ZNF518A: variants seen among roughly 807,000 people sequenced by gnomAD.
ZNF518A encodes the protein zinc finger protein 518.
In ZNF518A, 47 loss-of-function variants were observed where a neutral mutation model predicts 102.7. The ratio of observed to expected loss-of-function variants is 0.46; its 90% confidence interval spans 0.36 to 0.58. The LOEUF is 0.58. ZNF518A is among the 20% of genes least tolerant of loss of function. ZNF518A has a pLI of 0.00. For missense variants in ZNF518A, 1,793 were observed against 1,699.8 expected (o/e 1.05, Z -0.96); for synonymous variants, 652 against 594.6 (o/e 1.10, Z -1.40).
At chr10:96,154,477 C>A (rs1251313491) in intron 3 of ZNF518A, among the ~76,000 whole-genome samples, 4 of 104,980 alleles carry the variant, frequency 3.8e-5, no homozygotes, top group Admixed American at 1.0e-4. Flanking sequence ...TTTTTCTTTT[C>A]TTTTCTCTTA....
intron 3 of ZNF518A, among the ~76,000 whole-genome samples, chr10:96,148,652 T>G (rs1047910178): frequency 2.0e-5 from 3 of 152,168 alleles, no homozygotes; most frequent in African/African-American, 7.2e-5. Context: ...TGACTCCCAC[T>G]GTGGGGAGCT....
At chr10:96,180,476 C>G (rs1023883056) in intron 1 of ZNF518A, among the ~76,000 whole-genome samples, 3 of 151,928 alleles carry the variant, frequency 2.0e-5, no homozygotes, top group Non-Finnish European at 4.4e-5. Context: ...GGTATTTCTC[C>G]TAATGCTATC....
intron 1 of ZNF518A, chr10:96,189,226 T>A (rs2083292630): frequency 2.7e-6 from 1 of 368,714 alleles, no homozygotes; most frequent in Non-Finnish European, 5.1e-6. Context: ...TTCTTGGCAA[T>A]GGAACCTGGA....
At position 96,200,930 on chromosome 10, in the gene ZNF518A, T is replaced by G; in HGVS notation, n.36-2644T>G. The stretch of plus-strand genomic sequence containing the variant: ...GTCTTCTTCTCAGAAGACATGCTCT[T>G]TCCTGCAGTTTCCTGGTAACAATTT... On this transcript the variant is annotated intron_variant and non_coding_transcript_variant, in intron 1 of 2. Transcript: ENST00000442635. This position sits in a 1 kb window ranked among gnomAD's most constrained non-coding sequence, Gnocchi z 4.3. The G allele has an allele frequency of 6.7e-7, 1 of 1,502,390 alleles. No homozygotes were observed. The highest frequency in any genetic ancestry group is 2.3e-5 in the East Asian group (1 of 44,266). 93.1% of individuals were successfully genotyped at this position (1,502,390 alleles called of 1,614,324 possible). A position where few individuals can be genotyped will look rare whatever the true frequency, so the allele number is the denominator to read the frequency against.
At position 96,163,015 on chromosome 10, in the gene ZNF518A, A is replaced by G. The variant is rs1231431800; in HGVS notation, c.*2241A>G. On this transcript the variant is annotated 3_prime_UTR_variant, in exon 6 of 6. Coordinates refer to ENST00000316045, the MANE Select transcript of ZNF518A (RefSeq NM_001330736.2). ...AATTAAAATGCTCTGTTTGTTACAT[A>G]TAGATCTGTTATGAGACATCACCTG... 6.6e-6 allele frequency: 1 copy of G among 152,130 alleles called. No homozygotes were observed. The highest frequency in any genetic ancestry group is 8.2e-5 in the Admixed American group (1 of 12,160). 9.4% of individuals were successfully genotyped at this position (152,130 alleles called of 1,614,324 possible).
chr10:96,194,399 A>G (rs879956220), intron 1 of ZNF518A, among the ~76,000 whole-genome samples: 3 of 152,230 alleles, frequency 2.0e-5, no homozygotes, highest in Non-Finnish European at 2.9e-5. Context: ...TAAAAATTCT[A>G]GAAGAAAATG....
intron 3 of ZNF518A, among the ~76,000 whole-genome samples, chr10:96,148,161 C>T (rs587726424): frequency 1.3e-5 from 2 of 152,146 alleles, no homozygotes; most frequent in Middle Eastern, 3.4e-3. Context: ...TTGTCTTGGC[C>T]GGGCGCGGTG....
Position 96,200,190 on chromosome 10 carries a change from A to T in ZNF518A, n.36-3384A>T. On this transcript the variant is annotated intron_variant and non_coding_transcript_variant, in intron 1 of 2. Transcript: ENST00000442635. This position sits in a 1 kb window ranked among gnomAD's most constrained non-coding sequence, Gnocchi z 4.3. ...AATGGAGGGCACTGGTCAGCATGGG[A>T]TGGTCCCTACTTAACTCTAATTTCT... The T allele has an allele frequency of 2.5e-6, 4 of 1,588,454 alleles. No individual in the cohort carries two copies. The highest frequency in any genetic ancestry group is 3.5e-6 in the Non-Finnish European group (4 of 1,157,162).
intron 1 of ZNF518A, chr10:96,197,132 C>G: frequency 7.6e-7 from 1 of 1,322,630 alleles, no homozygotes; most frequent in Non-Finnish European, 1.0e-6. Flanking sequence ...TTCAAAAAAT[C>G]ATTTTGTGAA....
rs893467718 is a variant in ZNF518A at position 96,160,874 on chromosome 10, C to T, written c.*100C>T. The T allele has an allele frequency of 2.5e-6, 3 of 1,208,542 alleles. No individual in the cohort carries two copies. The highest frequency in any genetic ancestry group is 1.6e-5 in the African/African-American group (1 of 63,806). The allele number at this position is 1,208,542 out of a possible 1,614,324, so 74.9% of individuals were successfully genotyped here. On this transcript the variant is annotated 3_prime_UTR_variant, in exon 6 of 6. Transcript: ENST00000316045. ...AGACATTTTCTACTTCAGTATAGTA[C>T]CTGAAATCGAACATTTTAAAAGTTG...
At chr10:96,175,873 C>G (rs1458744322) in intron 1 of ZNF518A, among the ~76,000 whole-genome samples, 1 of 49,678 alleles carries the variant, frequency 2.0e-5, no homozygotes, top group Non-Finnish European at 5.5e-5. Context: ...CTGCCTCCCT[C>G]CCTCCCTTCC....
At position 96,158,410 on chromosome 10, in the gene ZNF518A, A is replaced by G. The variant is rs587754094; in HGVS notation, c.2088A>G (p.Leu696=). The G allele has an allele frequency of 1.3e-5, 21 of 1,613,534 alleles. No homozygotes were observed. Among genetic ancestry groups the G allele is most frequent in the Middle Eastern group, 1.6e-4 (1 of 6,062 alleles). ...VRQESSKPDS[L]LASISLLNDK... is the part of the protein sequence containing the mutation. ...AGGAGAGCTCAAAACCAGATAGCCT[A>G]TTAGCATCTATTAGCCTTTTAAATG... Residue 696 remains leucine, a synonymous_variant, in exon 6 of 6, where the codon CTA becomes CTG. Coordinates refer to ENST00000316045, the MANE Select transcript of ZNF518A (RefSeq NM_001330736.2).
At chr10:96,140,977 C>G (rs1349331901) in intron 3 of ZNF518A, among the ~76,000 whole-genome samples, 2 of 152,034 alleles carry the variant, frequency 1.3e-5, no homozygotes. Flanking sequence ...GGAGTGATTT[C>G]TGACTCTGTG....
At chr10:96,165,469 CCAA>C (rs1168120953), downstream of ZNF518A, among the ~76,000 whole-genome samples, 8 of 42,910 alleles carry the variant, frequency 1.9e-4, no homozygotes, top group African/African-American at 5.2e-4. Flanking sequence ...ACAACAACAA[CCAA>C]AAAAAAAAAA....
At chr10:96,149,385 C>G (rs1477843593) in intron 3 of ZNF518A, among the ~76,000 whole-genome samples, 1 of 152,192 alleles carries the variant, frequency 6.6e-6, no homozygotes, top group Non-Finnish European at 1.5e-5. Context: ...TGCCTACTCT[C>G]TCCCCTGTGC....
chr10:96,188,402 G>A (rs2133900095), intron 1 of ZNF518A, among the ~76,000 whole-genome samples: 1 of 152,346 alleles, frequency 6.6e-6, no homozygotes, highest in African/African-American at 2.4e-5. Flanking sequence ...CTGAGGATTA[G>A]TATAATCTTA....
intron 1 of ZNF518A, among the ~76,000 whole-genome samples, chr10:96,192,412 G>A (rs782807268): frequency 2.6e-5 from 4 of 151,996 alleles, no homozygotes; most frequent in Admixed American, 6.6e-5. Context: ...ATCATACAAC[G>A]CATTTTTCTA....
At chr10:96,199,446 G>A (rs797031353) in intron 1 of ZNF518A, 14 of 454,154 alleles carry the variant, frequency 3.1e-5, no homozygotes, top group African/African-American at 2.8e-4. Context: ...ACTCCTCAGT[G>A]GAGCTCATGC....
intron 3 of ZNF518A, among the ~76,000 whole-genome samples, chr10:96,136,213 T>C (rs1405984484): frequency 6.6e-6 from 1 of 152,010 alleles, no homozygotes; most frequent in Non-Finnish European, 1.5e-5. Context: ...CATTTTTGTA[T>C]GCTAAAATGT....
Sources: gnomAD v4.1 joint callset for allele counts (sites outside exome capture counted in the v4.1 genomes callset) on GRCh38, gnomAD v4.1.1 for gene constraint, Gnocchi (gnomAD v3.1) non-coding constraint, MANE v1.5 for transcripts, NCBI Gene and HGNC (gene_info 2026-07-23, HGNC 2026-07-21) for gene names.